ZNF236: variants seen among roughly 807,000 people sequenced by gnomAD.
The protein encoded by ZNF236 is zinc finger protein 236.
A neutral mutation model predicts 191.2 loss-of-function variants in ZNF236; 50 were observed. That is an observed-to-expected ratio of 0.26 (90% CI 0.21 to 0.33). The LOEUF is 0.33. ZNF236 is among the 10% of genes least tolerant of loss of function. The probability of loss-of-function intolerance (pLI) is 1.00; values close to 1 mark genes in which losing one functional copy is unlikely to be tolerated. For synonymous variants in ZNF236, 907 were observed against 928.8 expected (o/e 0.98, Z 0.43); for missense variants, 1,754 against 2,374.5 (o/e 0.74, Z 5.43).
intron 1 of ZNF236, chr18:76,849,304 T>G: frequency 2.3e-6 from 1 of 444,070 alleles, no homozygotes; most frequent in Non-Finnish European, 4.0e-6. Flanking sequence ...CCAATATGTA[T>G]TTAGAATTCT....
chr18:76,915,932 C>T (rs1195008647), intron 19 of ZNF236, 73 bp downstream of exon 19: 16 of 1,440,678 alleles, frequency 1.1e-5, no homozygotes, highest in East Asian at 6.9e-5. Flanking sequence ...CACAAATCAC[C>T]GTGAGTATTT....
At chr18:76,891,846 T>C (rs1239210775) in intron 9 of ZNF236, among the ~76,000 whole-genome samples, 1 of 152,216 alleles carries the variant, frequency 6.6e-6, no homozygotes, top group Non-Finnish European at 1.5e-5. Flanking sequence ...ACTGTTCTAC[T>C]CCTCTAATCT....
intron 6 of ZNF236, 68 bp from the exon 7 acceptor site, chr18:76,877,941 C>A: frequency 8.1e-7 from 1 of 1,232,558 alleles, no homozygotes; most frequent in Non-Finnish European, 1.1e-6. Flanking sequence ...TATGATTTGC[C>A]ATAATTTAGA....
intron 1 of ZNF236, among the ~76,000 whole-genome samples, chr18:76,825,484 A>G (rs1362876827): frequency 6.6e-6 from 1 of 152,180 alleles, no homozygotes; most frequent in Non-Finnish European, 1.5e-5. Flanking sequence ...AGGCTGTATT[A>G]CCTTCATGTA....
At chr18:76,940,256 C>T (rs866329726) in intron 26 of ZNF236, among the ~76,000 whole-genome samples, 5 of 148,836 alleles carry the variant, frequency 3.4e-5, no homozygotes, top group East Asian at 2.0e-4. Context: ...ACACGGTGGG[C>T]GACCCTAGCA....
chr18:76,880,715 T>C lies in ZNF236; in HGVS notation c.1188+399T>C, dbSNP rs539595048. ...TGAGAGCGTTCATACTGCCTGGCCT[T>C]CTCTCGTGGGTGTGTGGGCAGCACC... On this transcript the variant is annotated intron_variant, in intron 8 of 30. Coordinates refer to ENST00000320610, the MANE Select transcript of ZNF236 (RefSeq NM_001306089.2). The surrounding 1 kb of genome is among the most constrained non-coding windows in gnomAD (Gnocchi z 5.0). Among the ~76,000 whole-genome samples the C allele has an allele frequency of 3.7e-4, 57 of 152,274 alleles. No individual in the cohort carries two copies. The highest frequency in any genetic ancestry group is 7.5e-4 in the Non-Finnish European group (51 of 68,018).
chr18:76,928,167 C>A, intron 25 of ZNF236, 61 bp downstream of exon 25: 2 of 1,353,310 alleles, frequency 1.5e-6, no homozygotes, highest in Non-Finnish European at 2.0e-6. Context: ...GTATATCTTA[C>A]TATCTCTTTT....
At chr18:76,889,327 A>G (rs183927360) in intron 9 of ZNF236, among the ~76,000 whole-genome samples, 1 of 152,226 alleles carries the variant, frequency 6.6e-6, no homozygotes, top group East Asian at 1.9e-4. Flanking sequence ...GGCACCTCTG[A>G]TGCTCTGCCA....
chr18:76,925,546 C>G lies in ZNF236; in HGVS notation c.4019C>G (p.Ser1340Cys), dbSNP rs777049082. Residue 1340 changes from serine (S) to cysteine (C), a missense_variant, in exon 22 of 31, where the codon TCT (serine) becomes TGT (cysteine). By Grantham distance (112) the Ser-to-Cys change is moderately radical. This residue lies in a region of ZNF236 where 606 missense variants were observed against 761.5 expected (regional missense o/e 0.80). Transcript: ENST00000320610. The surrounding 1 kb of genome is among the most constrained non-coding windows in gnomAD (Gnocchi z 5.7). ...GLVGQAILPASVSAGGDLTVS... is the reference protein window; with the variant it reads ...GLVGQAILPACVSAGGDLTVS... The stretch of plus-strand genomic sequence containing the variant: ...GTGGGCCAAGCTATTCTCCCTGCCT[C>G]TGTGTCAGGTAAACGCTGAGCCGAG... The G allele has an allele frequency of 4.2e-5, 67 of 1,612,474 alleles. No individual in the cohort carries two copies. The highest frequency in any genetic ancestry group is 5.5e-5 in the Non-Finnish European group (65 of 1,179,906).
At chr18:76,834,126 CAG>C (rs1325428427) in intron 1 of ZNF236, among the ~76,000 whole-genome samples, 2 of 152,132 alleles carry the variant, frequency 1.3e-5, no homozygotes, top group African/African-American at 2.4e-5. Context: ...AATTTATTAA[CAG>C]AACATTATTC....
At chr18:76,845,651 C>G (rs1975651963) in intron 1 of ZNF236, among the ~76,000 whole-genome samples, 1 of 152,038 alleles carries the variant, frequency 6.6e-6, no homozygotes, top group Non-Finnish European at 1.5e-5. Flanking sequence ...GAGCTCGAGA[C>G]CAGCCTGACC....
At chr18:76,947,157 G>C (rs1447878770) in intron 26 of ZNF236, among the ~76,000 whole-genome samples, 10 of 152,164 alleles carry the variant, frequency 6.6e-5, no homozygotes, top group Admixed American at 6.5e-4. Context: ...TTTGTGACTG[G>C]CTTTTTTCAT....
At position 76,968,263 on chromosome 18, in the gene ZNF236, T is replaced by C. The variant is rs1183613730; in HGVS notation, c.5468T>C (p.Leu1823Pro). Residue 1823 changes from leucine to proline, a missense_variant, in exon 31 of 31, where the codon CTG becomes CCG. Transcript: ENST00000320610. ...CACCCGGAGCAGGACGGGGAGGAGC[T>C]GAGCCGGACCCTCCACCTGGAGGAG... ...AGHPEQDGEE[L>P]SRTLHLEEVV... The C allele has an allele frequency of 5.0e-6, 8 of 1,611,604 alleles. No homozygotes were observed. The highest frequency in any genetic ancestry group is 6.8e-6 in the Non-Finnish European group (8 of 1,179,426).
chr18:76,936,267 CAT>C (rs933465624), intron 25 of ZNF236: 95 of 454,174 alleles, frequency 2.1e-4, no homozygotes, highest in African/African-American at 1.5e-3. Context: ...ATGAGGAATA[CAT>C]GTTTCAAATG....
At chr18:76,938,498 T>C (rs1968054479) in intron 26 of ZNF236, among the ~76,000 whole-genome samples, 1 of 152,212 alleles carries the variant, frequency 6.6e-6, no homozygotes, top group African/African-American at 2.4e-5. Flanking sequence ...TAGAGCAGGA[T>C]TGGCCCTAAC....
rs768259408 is a variant in ZNF236, at chr18:76,913,713, A to G, written c.2910-34A>G. The G allele has an allele frequency of 3.7e-6, 6 of 1,604,670 alleles. No homozygotes were observed. The South Asian group carries it at 6.6e-5, about 18-fold the overall frequency. On this transcript the variant is annotated intron_variant, in intron 17 of 30. Coordinates refer to ENST00000320610, the MANE Select transcript of ZNF236 (RefSeq NM_001306089.2). ...TGTATTTGTAATTGTGCTATGAATT[A>G]ACGTGGTCTGAGTTCTGTATGTTTG...
intron 1 of ZNF236, chr18:76,824,047 T>C (rs955441782): frequency 9.7e-6 from 4 of 413,220 alleles, no homozygotes; most frequent in African/African-American, 2.0e-5. Context: ...TTGATTTTTA[T>C]TTAACTGTTT....
At position 76,880,464 on chromosome 18, in the gene ZNF236, C is replaced by T. The variant is rs1450211264; in HGVS notation, c.1188+148C>T. ...CCTGAACCGAAAGAAATTAATATGC[C>T]TACTTAATTGCTTATGGACGGCGCA... is the stretch of plus-strand genomic sequence containing the variant. On this transcript the variant is annotated intron_variant, in intron 8 of 30. Coordinates refer to ENST00000320610, the MANE Select transcript of ZNF236 (RefSeq NM_001306089.2). The surrounding 1 kb of genome is among the most constrained non-coding windows in gnomAD (Gnocchi z 5.0). The T allele has an allele frequency of 1.3e-6, 1 of 758,482 alleles. No homozygotes were observed. Among genetic ancestry groups the T allele is most frequent in the Non-Finnish European group, 2.0e-6 (1 of 488,856 alleles). 47.0% of individuals were successfully genotyped at this position (758,482 alleles called of 1,614,324 possible).
At chr18:76,828,457 C>T (rs4890828) in intron 1 of ZNF236, among the ~76,000 whole-genome samples, 36,084 of 152,168 alleles carry the variant, frequency 0.24, 5,365 homozygotes, top group East Asian at 0.33. Flanking sequence ...CGTGAGCCCC[C>T]ACGCCTGCCA....
Sources: gnomAD v4.1 joint callset for allele counts (sites outside exome capture counted in the v4.1 genomes callset) on GRCh38, gnomAD v4.1.1 for gene constraint, gnomAD v4.1.1 regional missense constraint, Gnocchi (gnomAD v3.1) non-coding constraint, MANE v1.5 for transcripts, NCBI Gene and HGNC (gene_info 2026-07-23, HGNC 2026-07-21) for gene names.